ECHDC1: variants seen among roughly 807,000 people sequenced by gnomAD.
The protein encoded by ECHDC1 is ethylmalonyl-CoA decarboxylase.
Under a neutral mutation model 29.7 loss-of-function variants are expected in ECHDC1, and 29 were observed. The ratio of observed to expected loss-of-function variants is 0.98; its 90% CI spans 0.73 to 1.33. The LOEUF (loss-of-function observed/expected upper bound fraction) is 1.33. Ranked by LOEUF, ECHDC1 falls within the 40% of genes most tolerant of loss-of-function variation. The pLI is 0.00. For synonymous variants in ECHDC1, 126 were observed against 123.1 expected, an observed-to-expected ratio of 1.02 and a Z score of -0.15; for missense variants, 328 against 350.0, an observed-to-expected ratio of 0.94 and a Z score of 0.50.
Position 127,331,092 on chromosome 6 carries a change from A to G in ECHDC1, c.-2-62T>C, listed in dbSNP as rs949865704. On this transcript the variant is annotated intron_variant, in intron 1 of 5. Transcript: ENST00000454859. ...AATAGGCACTCACTTTTCTAATATTATGTGTTAATAGGCTGTAGTAATGGA... is the reference window on the plus strand; with the variant it reads ...AATAGGCACTCACTTTTCTAATATTGTGTGTTAATAGGCTGTAGTAATGGA... The G allele has an allele frequency of 4.0e-6, 5 of 1,247,922 alleles. No homozygotes were observed. The African/African-American group carries it at 7.4e-5, about 19-fold the overall frequency. The allele number at this position is 1,247,922 out of a possible 1,614,324, so 77.3% of individuals were successfully genotyped here.
intron 5 of ECHDC1, among the ~76,000 whole-genome samples, chr6:127,313,762 T>C (rs1453050653): frequency 6.6e-6 from 1 of 152,206 alleles, no homozygotes; most frequent in Non-Finnish European, 1.5e-5. Flanking sequence ...TGCCACAATG[T>C]TATCATATTG....
chr6:127,294,801 T>C (rs1780461687), intron 5 of ECHDC1: 2 of 151,214 alleles, frequency 1.3e-5, no homozygotes, highest in South Asian at 4.2e-4. Context: ...GACTACTTCC[T>C]GAGGTGGACA....
chr6:127,313,598 C>A, intron 5 of ECHDC1: 1 of 455,848 alleles, frequency 2.2e-6, no homozygotes, highest in Non-Finnish European at 4.4e-6. Flanking sequence ...GAAACTGAGA[C>A]AAAAAGTTTA....
At chr6:127,309,405 G>A in intron 5 of ECHDC1, among the ~76,000 whole-genome samples, 1 of 150,948 alleles carries the variant, frequency 6.6e-6, no homozygotes. Flanking sequence ...AATGAAATTA[G>A]ACCCCTATCT....
At chr6:127,290,418 G>A (rs1241706268) in intron 5 of ECHDC1, 141 bp from the exon 6 acceptor site, 1 of 826,630 alleles carries the variant, frequency 1.2e-6, no homozygotes, top group Admixed American at 3.1e-5. Flanking sequence ...GAAAAATATG[G>A]CTGTTTCATC....
intron 5 of ECHDC1, among the ~76,000 whole-genome samples, chr6:127,304,390 G>A (rs1235808821): frequency 1.3e-5 from 2 of 152,058 alleles, no homozygotes; most frequent in African/African-American, 4.8e-5. Flanking sequence ...CAACACCTAC[G>A]TCCTTCTGAA....
At chr6:127,295,315 ACC>A (rs1482427132) in intron 5 of ECHDC1, among the ~76,000 whole-genome samples, 5 of 152,134 alleles carry the variant, frequency 3.3e-5, no homozygotes, top group Non-Finnish European at 7.3e-5. Context: ...AAATGCTAAT[ACC>A]TTGGCTGAGG....
At chr6:127,291,766 C>T (rs921023182) in intron 5 of ECHDC1, among the ~76,000 whole-genome samples, 1 of 152,016 alleles carries the variant, frequency 6.6e-6, no homozygotes, top group Non-Finnish European at 1.5e-5. Context: ...GTCTTTGACC[C>T]GAGAGAATTC....
At chr6:127,317,635 CTG>C (rs1292462725) in intron 3 of ECHDC1, among the ~76,000 whole-genome samples, 3 of 152,130 alleles carry the variant, frequency 2.0e-5, no homozygotes, top group African/African-American at 7.2e-5. Context: ...CATAAGTGTT[CTG>C]TGTTAGTGGA....
intron 1 of ECHDC1, among the ~76,000 whole-genome samples, chr6:127,332,019 T>C (rs1784002385): frequency 6.6e-6 from 1 of 152,206 alleles, no homozygotes; most frequent in East Asian, 1.9e-4. Flanking sequence ...CTTGTTGATA[T>C]AAGATTATAT....
At chr6:127,296,653 A>C (rs993418105) in intron 5 of ECHDC1, among the ~76,000 whole-genome samples, 1 of 152,198 alleles carries the variant, frequency 6.6e-6, no homozygotes, top group Non-Finnish European at 1.5e-5. Context: ...AATATGAATA[A>C]ATAATTCACC....
intron 5 of ECHDC1, among the ~76,000 whole-genome samples, chr6:127,310,379 C>T (rs1371381821): frequency 6.6e-6 from 1 of 151,748 alleles, no homozygotes; most frequent in Non-Finnish European, 1.5e-5. Flanking sequence ...ACTATGTACT[C>T]ATGAAAGTTA....
chr6:127,320,391 G>A (rs945095569), intron 3 of ECHDC1, among the ~76,000 whole-genome samples: 1 of 152,150 alleles, frequency 6.6e-6, no homozygotes, highest in Non-Finnish European at 1.5e-5. Context: ...GAACTTTGAG[G>A]TCACCATAGA....
intron 1 of ECHDC1, among the ~76,000 whole-genome samples, chr6:127,333,666 T>TACACACACACACACACACAC (rs10523734): frequency 2.3e-5 from 3 of 128,038 alleles, no homozygotes; most frequent in Non-Finnish European, 1.8e-5. Context: ...CTCTTTCTCT[T>TACACACACACACACACACAC]ACACACACAC....
At chr6:127,342,451 G>T in intron 1 of ECHDC1, 3 of 1,419,066 alleles carry the variant, frequency 2.1e-6, no homozygotes, top group South Asian at 2.8e-5. Context: ...CGCCTTTCAG[G>T]CCAGAACCCA....
rs1394871184 is a variant in ECHDC1 at position 127,316,444 on chromosome 6, C to T, written c.416+6G>A. 1.9e-6 allele frequency: 3 copies of T among 1,600,564 alleles called. No individual in the cohort carries two copies. The Admixed American group carries it at 5.2e-5, about 28-fold the overall frequency. On this transcript the variant is annotated splice_donor_region_variant and intron_variant, in intron 4 of 5. Coordinates refer to ENST00000454859, the MANE Select transcript of ECHDC1 (RefSeq NM_001002030.2). ...AAATCATATTTTAAAAAGAAGGCTG[C>T]ATTACCTCATAAATCTTGTTAAGGT... is the stretch of plus-strand genomic sequence containing the variant.
At chr6:127,328,334 T>C (rs980813666) in intron 2 of ECHDC1, among the ~76,000 whole-genome samples, 2 of 152,222 alleles carry the variant, frequency 1.3e-5, no homozygotes, top group Non-Finnish European at 2.9e-5. Context: ...CATTGTAATG[T>C]AGTACAATGA....
At position 127,290,628 on chromosome 6, in the gene ECHDC1, A is replaced by C. The variant is rs796494676; in HGVS notation, c.498-351T>G. On this transcript the variant is annotated intron_variant, in intron 5 of 5. Coordinates refer to ENST00000454859, the MANE Select transcript of ECHDC1 (RefSeq NM_001002030.2). ...AAATGTTAGGTGCATACTAAGAAAA[A>C]CAAACCGAAAAGCATAGTAAGTTAA... Among the ~76,000 whole-genome samples, 99 of 152,140 alleles carry C rather than the reference A, an allele frequency of 6.5e-4. 1 individual carries two copies. The highest frequency in any genetic ancestry group is 2.3e-3 in the African/African-American group (96 of 41,538).
intron 3 of ECHDC1, among the ~76,000 whole-genome samples, chr6:127,323,234 C>G (rs1270179518): frequency 6.6e-6 from 1 of 151,958 alleles, no homozygotes; most frequent in Non-Finnish European, 1.5e-5. Flanking sequence ...TGAAATACTT[C>G]TAGTTCCAAG....
Sources: gnomAD v4.1 joint callset for allele counts (sites outside exome capture counted in the v4.1 genomes callset) on GRCh38, gnomAD v4.1.1 for gene constraint, MANE v1.5 for transcripts, NCBI Gene and HGNC (gene_info 2026-07-23, HGNC 2026-07-21) for gene names.